The following DOK6 variants were observed in gnomAD, a reference collection of about 807,000 sequenced individuals.
DOK6 encodes downstream of tyrosine kinase 6.
Under a neutral mutation model 44.0 loss-of-function variants are expected in DOK6, and 22 were observed. The observed-to-expected ratio is 0.50, with a 90% CI of 0.36 to 0.71. The LOEUF (loss-of-function observed/expected upper bound fraction) is 0.71, where lower values mean the gene tolerates loss of function less well. Among genes scored for constraint, DOK6 ranks in the 30% least tolerant of loss-of-function variants. The pLI is 0.00. For missense variants in DOK6, 340 were observed against 416.4 expected (o/e 0.82, Z 1.60); for synonymous variants, 166 against 145.5 (o/e 1.14, Z -1.01).
chr18:69,644,913 A>G (rs2144657237), intron 3 of DOK6, among the ~76,000 whole-genome samples: 1 of 152,354 alleles, frequency 6.6e-6, no homozygotes, highest in African/African-American at 2.4e-5. Context: ...TTCTTAGAAA[A>G]TATTAAATGA....
chr18:69,531,299 T>C (rs1981980133), intron 1 of DOK6, among the ~76,000 whole-genome samples: 2 of 148,006 alleles, frequency 1.4e-5, no homozygotes, highest in African/African-American at 4.9e-5. Flanking sequence ...ATATTATATA[T>C]ATTTTAATGA....
chr18:69,629,548 C>A (rs1224657298), intron 3 of DOK6, among the ~76,000 whole-genome samples: 2 of 152,086 alleles, frequency 1.3e-5, no homozygotes, highest in Non-Finnish European at 2.9e-5. Context: ...ATGTTAATTT[C>A]TTTAGAAGTG....
chr18:69,758,864 AAAAG>A (rs1979447667), intron 7 of DOK6, among the ~76,000 whole-genome samples: 1 of 151,656 alleles, frequency 6.6e-6, no homozygotes, highest in South Asian at 2.1e-4. Flanking sequence ...AGTTTTGACA[AAAAG>A]AAATATTTCC....
At chr18:69,452,207 A>G (rs1284710337) in intron 1 of DOK6, among the ~76,000 whole-genome samples, 27 of 150,138 alleles carry the variant, frequency 1.8e-4, no homozygotes, top group Non-Finnish European at 3.6e-4. Flanking sequence ...TCAAATAGAC[A>G]CAATAAAAAA....
intron 6 of DOK6, among the ~76,000 whole-genome samples, chr18:69,741,593 G>T (rs566546918): frequency 6.6e-6 from 1 of 152,038 alleles, no homozygotes; most frequent in Non-Finnish European, 1.5e-5. Context: ...AACCTCCTGG[G>T]CTCAAGCAGT....
intron 5 of DOK6, among the ~76,000 whole-genome samples, chr18:69,722,005 A>T (rs977119947): frequency 6.6e-6 from 1 of 152,194 alleles, no homozygotes. Context: ...CAGAGTTTGT[A>T]TGGATTTGGA....
intron 5 of DOK6, among the ~76,000 whole-genome samples, chr18:69,738,005 A>AT (rs1275217935): frequency 1.3e-5 from 2 of 152,100 alleles, no homozygotes; most frequent in Non-Finnish European, 2.9e-5. Flanking sequence ...AAAACTCTTC[A>AT]TTTTTCCCCC....
intron 3 of DOK6, among the ~76,000 whole-genome samples, chr18:69,603,727 C>T (rs761696564): frequency 7.0e-6 from 1 of 142,706 alleles, no homozygotes; most frequent in South Asian, 2.2e-4. Flanking sequence ...GCCGAGATCG[C>T]GCCACTGCAC....
At chr18:69,713,511 G>A (rs1191739752) in intron 5 of DOK6, among the ~76,000 whole-genome samples, 2 of 152,156 alleles carry the variant, frequency 1.3e-5, no homozygotes, top group Non-Finnish European at 2.9e-5. Flanking sequence ...GGCAGAATTT[G>A]CTGAGATACT....
intron 5 of DOK6, among the ~76,000 whole-genome samples, chr18:69,729,495 C>T (rs77568473): frequency 0.033 from 4,708 of 144,414 alleles, 135 homozygotes; most frequent in East Asian, 0.088. Context: ...CTTGACCAGA[C>T]TTTAGTATTT....
intron 3 of DOK6, among the ~76,000 whole-genome samples, chr18:69,603,020 G>A (rs904901944): frequency 6.6e-6 from 1 of 152,178 alleles, no homozygotes; most frequent in Non-Finnish European, 1.5e-5. Context: ...TGTTTACCTA[G>A]TGTCATGAAC....
At chr18:69,820,857 C>T (rs943802691) in intron 7 of DOK6, among the ~76,000 whole-genome samples, 2 of 151,734 alleles carry the variant, frequency 1.3e-5, no homozygotes, top group Admixed American at 6.6e-5. Context: ...AACACATGGA[C>T]GCATAGAGGG....
In DOK6 at chr18:69,440,828, G is replaced by A. The variant is rs141842383; in HGVS notation, c.66+39518G>A. ...AACATGAAACAAAAAAATAATGGTC[G>A]ATTTATGTAGAACTGTGATCCTGGG... On this transcript the variant is annotated intron_variant, in intron 1 of 7. Transcript: ENST00000382713. 6.5e-3 allele frequency among the ~76,000 whole-genome samples: 991 copies of A among 151,940 alleles called. 12 individuals carry two copies. Among genetic ancestry groups the A allele is most frequent in the African/African-American group, 0.022 (902 of 41,446 alleles).
chr18:69,596,454 A>G (rs1983742434), intron 2 of DOK6, among the ~76,000 whole-genome samples: 1 of 152,170 alleles, frequency 6.6e-6, no homozygotes, highest in Non-Finnish European at 1.5e-5. Context: ...ACTGAAAGAC[A>G]AAGACAAATG....
At chr18:69,715,768 G>T (rs148559799) in intron 5 of DOK6, among the ~76,000 whole-genome samples, 1 of 152,178 alleles carries the variant, frequency 6.6e-6, no homozygotes, top group East Asian at 1.9e-4. Flanking sequence ...TCTTGTTGGC[G>T]TTGAAAGTCC....
At chr18:69,748,400 A>AC (rs918684120) in intron 6 of DOK6, among the ~76,000 whole-genome samples, 1 of 151,404 alleles carries the variant, frequency 6.6e-6, no homozygotes, top group Non-Finnish European at 1.5e-5. Context: ...TGATAAACCC[A>AC]CCCCCAAAAC....
chr18:69,836,704 G>A (rs1326285768), intron 7 of DOK6, among the ~76,000 whole-genome samples: 1 of 152,150 alleles, frequency 6.6e-6, no homozygotes, highest in Non-Finnish European at 1.5e-5. Flanking sequence ...TGGGTGATCT[G>A]GAGGAAAAGT....
At chr18:69,467,909 A>T (rs1214252249) in intron 1 of DOK6, among the ~76,000 whole-genome samples, 1 of 152,164 alleles carries the variant, frequency 6.6e-6, no homozygotes. Context: ...TGAAGGGGTT[A>T]TGATAGCCCC....
chr18:69,816,315 A>G (rs1022816886), intron 7 of DOK6, among the ~76,000 whole-genome samples: 4 of 152,190 alleles, frequency 2.6e-5, no homozygotes, highest in Non-Finnish European at 5.9e-5. Flanking sequence ...TTTCTCTGCC[A>G]ATAGACTTTA....
Sources: allele counts gnomAD v4.1 joint callset (sites outside exome capture counted in the v4.1 genomes callset), GRCh38; gene constraint gnomAD v4.1.1; transcripts MANE v1.5; gene names NCBI Gene and HGNC (gene_info 2026-07-23, HGNC 2026-07-21).